ELOVL7: variants seen among roughly 807,000 people sequenced by gnomAD.
The protein encoded by ELOVL7 is very long chain fatty acid elongase 7.
Under a neutral mutation model 35.7 loss-of-function variants are expected in ELOVL7, and 27 were observed. The ratio of observed to expected loss-of-function variants is 0.76; its 90% CI spans 0.56 to 1.04. The LOEUF (loss-of-function observed/expected upper bound fraction) is 1.04, where lower values mean the gene tolerates loss of function less well. Ranked by LOEUF, ELOVL7 falls within the 50% of genes least tolerant of loss-of-function variation. The pLI, the probability that ELOVL7 is intolerant of heterozygous loss-of-function variation, is 0.00. For missense variants in ELOVL7, 327 were observed against 340.8 expected (o/e 0.96, Z 0.32); for synonymous variants, 113 against 114.6 (o/e 0.99, Z 0.09).
chr5:60,833,352 C>T (rs1746599073), intron 1 of ELOVL7, among the ~76,000 whole-genome samples: 1 of 152,088 alleles, frequency 6.6e-6, no homozygotes, highest in Non-Finnish European at 1.5e-5. Context: ...GAAAAATGAC[C>T]AACATGCCCA....
chr5:60,830,252 T>C (rs1746403566), intron 1 of ELOVL7, among the ~76,000 whole-genome samples: 1 of 152,200 alleles, frequency 6.6e-6, no homozygotes, highest in Admixed American at 6.5e-5. Flanking sequence ...CCTGCTTTCA[T>C]GGAGTTTACA....
chr5:60,819,461 G>T (rs1244242632), intron 1 of ELOVL7, among the ~76,000 whole-genome samples: 5 of 152,052 alleles, frequency 3.3e-5, no homozygotes, highest in African/African-American at 9.7e-5. Context: ...ACAAATGAGA[G>T]GTGCTAGAAT....
At chr5:60,838,577 C>A (rs981079816) in intron 1 of ELOVL7, among the ~76,000 whole-genome samples, 2 of 152,224 alleles carry the variant, frequency 1.3e-5, no homozygotes, top group African/African-American at 4.8e-5. Context: ...CTAGGTTTGG[C>A]TCTTTTACCC....
At chr5:60,777,332 C>T (rs1464507598) in intron 3 of ELOVL7, among the ~76,000 whole-genome samples, 1 of 151,934 alleles carries the variant, frequency 6.6e-6, no homozygotes, top group Non-Finnish European at 1.5e-5. Context: ...TGTATCAAAA[C>T]ATCTTATGTA....
rs116651642 is a variant in ELOVL7, at chr5:60,801,614, G to A, written c.-85-2384C>T. Among the ~76,000 whole-genome samples the A allele has an allele frequency of 2.1e-3, 314 of 152,120 alleles. 1 individual carries two copies. The highest frequency in any genetic ancestry group is 7.3e-3 in the African/African-American group (303 of 41,516). ...GCTATACAGGAGGCTAAGGCAGGAC[G>A]ATGGCTTGAGCCCGGGAGGTCAAGG... On this transcript the variant is annotated intron_variant, in intron 1 of 8. Coordinates refer to ENST00000508821, the MANE Select transcript of ELOVL7 (RefSeq NM_024930.3).
intron 1 of ELOVL7, among the ~76,000 whole-genome samples, chr5:60,814,638 T>C (rs1274328579): frequency 1.3e-5 from 2 of 152,200 alleles, no homozygotes; most frequent in Admixed American, 6.5e-5. Flanking sequence ...ATTATCTTTA[T>C]TCTACAGATA....
chr5:60,773,861 G>C (rs1313198394), intron 3 of ELOVL7, among the ~76,000 whole-genome samples: 1 of 152,218 alleles, frequency 6.6e-6, no homozygotes, highest in East Asian at 1.9e-4. Flanking sequence ...ATTACTGCAG[G>C]ATTTCTTAAT....
chr5:60,818,851 C>G (rs886727028), intron 1 of ELOVL7, among the ~76,000 whole-genome samples: 1 of 150,228 alleles, frequency 6.7e-6, no homozygotes, highest in Admixed American at 6.6e-5. Context: ...ACTAAAAATA[C>G]AAAAAAATTA....
At chr5:60,803,151 C>G (rs908489109) in intron 1 of ELOVL7, among the ~76,000 whole-genome samples, 1 of 152,168 alleles carries the variant, frequency 6.6e-6, no homozygotes, top group African/African-American at 2.4e-5. Context: ...GCACTGAAAA[C>G]AGCAACAACA....
chr5:60,769,617 T>C (rs1327729126), intron 4 of ELOVL7, among the ~76,000 whole-genome samples: 1 of 152,226 alleles, frequency 6.6e-6, no homozygotes, highest in Non-Finnish European at 1.5e-5. Context: ...ATAAACCATG[T>C]GTTCGGATGT....
At chr5:60,842,566 G>T (rs1177531417) in intron 1 of ELOVL7, among the ~76,000 whole-genome samples, 1 of 151,608 alleles carries the variant, frequency 6.6e-6, no homozygotes, top group African/African-American at 2.4e-5. Context: ...ACATAAGAAG[G>T]AAAAGAGGGA....
At chr5:60,817,757 T>C (rs867791181) in intron 1 of ELOVL7, among the ~76,000 whole-genome samples, 1 of 143,162 alleles carries the variant, frequency 7.0e-6, no homozygotes, top group African/African-American at 2.6e-5. Flanking sequence ...ACCATATATA[T>C]ACCATATATA....
chr5:60,765,514 A>G (rs886584706), intron 6 of ELOVL7, among the ~76,000 whole-genome samples: 7 of 152,204 alleles, frequency 4.6e-5, no homozygotes, highest in Admixed American at 2.0e-4. Context: ...CTATTGCACA[A>G]TGTGGGCTGG....
chr5:60,782,666 T>C (rs1743330323), intron 3 of ELOVL7, among the ~76,000 whole-genome samples: 1 of 152,236 alleles, frequency 6.6e-6, no homozygotes, highest in Non-Finnish European at 1.5e-5. Context: ...TGGATGAACT[T>C]GGAAGACATT....
At chr5:60,795,206 T>C (rs1244694126) in intron 2 of ELOVL7, among the ~76,000 whole-genome samples, 1 of 151,426 alleles carries the variant, frequency 6.6e-6, no homozygotes. Flanking sequence ...GCCCAGAGGG[T>C]GGTGAAAGCC....
intron 1 of ELOVL7, among the ~76,000 whole-genome samples, chr5:60,837,218 G>A (rs992998729): frequency 1.3e-5 from 2 of 149,628 alleles, no homozygotes; most frequent in African/African-American, 2.5e-5. Flanking sequence ...CAGATCACCT[G>A]AGGTCGGGAG....
intron 1 of ELOVL7, among the ~76,000 whole-genome samples, chr5:60,830,624 T>G (rs1746428849): frequency 6.6e-6 from 1 of 150,392 alleles, no homozygotes; most frequent in Non-Finnish European, 1.5e-5. Context: ...TTTTTTTTTT[T>G]GGTAGTATGA....
chr5:60,760,872 T>G (rs1281887392), intron 7 of ELOVL7, among the ~76,000 whole-genome samples: 1 of 152,128 alleles, frequency 6.6e-6, no homozygotes, highest in Non-Finnish European at 1.5e-5. Flanking sequence ...TTTGGATATT[T>G]TCACCATTAA....
intron 3 of ELOVL7, 93 bp downstream of exon 3, chr5:60,787,241 G>A: frequency 9.3e-7 from 1 of 1,080,024 alleles, no homozygotes; most frequent in Non-Finnish European, 1.4e-6. Flanking sequence ...AAGTTGCAAA[G>A]TCTCTCATTC....
Sources: allele counts gnomAD v4.1 joint callset (sites outside exome capture counted in the v4.1 genomes callset), GRCh38; gene constraint gnomAD v4.1.1; transcripts MANE v1.5; gene names NCBI Gene and HGNC (gene_info 2026-07-23, HGNC 2026-07-21).